Variants in UTP4 observed in about 807,000 individuals in gnomAD.
UTP4 encodes UTP4 small subunit processome component.
In UTP4, 45 loss-of-function variants were observed where a neutral mutation model predicts 82.4. The ratio of observed to expected loss-of-function variants is 0.55; its 90% CI spans 0.43 to 0.70. The LOEUF (loss-of-function observed/expected upper bound fraction) is 0.70, where lower values mean the gene tolerates loss of function less well. UTP4 is among the 30% of genes least tolerant of loss of function. The probability of loss-of-function intolerance (pLI) is 0.00; values close to 1 mark genes in which losing one functional copy is unlikely to be tolerated. For synonymous variants in UTP4, 348 were observed against 300.3 expected, an observed-to-expected ratio of 1.16 and a Z score of -1.64; for missense variants, 819 against 858.3, an observed-to-expected ratio of 0.95 and a Z score of 0.57.
At chr16:69,162,939 GA>G (rs1963601554) in intron 13 of UTP4, 143 bp from the exon 14 acceptor site, 4 of 738,946 alleles carry the variant, frequency 5.4e-6, no homozygotes, top group Non-Finnish European at 9.9e-6. Flanking sequence ...ATTGGTTGGG[GA>G]AATGCCTGAA....
rs368784646 is a variant in UTP4 at position 69,133,448 on chromosome 16, C to T, written c.-2-10C>T. 8 of 1,613,696 alleles carry T rather than the reference C, an allele frequency of 5.0e-6. No homozygotes were observed. Among genetic ancestry groups the T allele is most frequent in the African/African-American group, 1.3e-5 (1 of 74,900 alleles). On this transcript the variant is annotated splice_polypyrimidine_tract_variant and intron_variant, in intron 1 of 16. Transcript: ENST00000314423. ...CATATAGCAATAATGACTCTCTTTT[C>T]GCCCCCTAGGAATGGGTGAATTTAA...
Position 69,160,469 on chromosome 16 carries a change from A to G in UTP4, c.1551+7A>G, listed in dbSNP as rs755748563. The G allele has an allele frequency of 1.2e-6, 2 of 1,602,982 alleles. No homozygotes were observed. Among genetic ancestry groups the G allele is most frequent in the South Asian group, 1.1e-5 (1 of 90,864 alleles). ...CAACGTAAAACAGCTAAAGGTGAGC[A>G]TAGGGTTTCATGGCAGCAGTTTGAA... On this transcript the variant is annotated splice_region_variant and intron_variant, in intron 13 of 16. Transcript: ENST00000314423.
chr16:69,135,972 TGAG>T (rs1216058274), intron 2 of UTP4, among the ~76,000 whole-genome samples: 2 of 152,146 alleles, frequency 1.3e-5, no homozygotes, highest in African/African-American at 2.4e-5. Flanking sequence ...GAGGTTGCAG[TGAG>T]CTGAGATGGC....
In UTP4 at chr16:69,154,456, A is replaced by G; in HGVS notation, c.1163A>G (p.Lys388Arg). 2 of 1,607,850 alleles carry G rather than the reference A, an allele frequency of 1.2e-6. No homozygotes were observed. Among genetic ancestry groups the G allele is most frequent in the Non-Finnish European group, 1.7e-6 (2 of 1,174,436 alleles). The stretch of plus-strand genomic sequence containing the variant: ...GATCATTTACTGCACCTAAAGACAA[A>G]GGTAAGGAAGTTTGTTTAGGCTCTG... ...NADHLLHLKT[K>R]GPENIICSCI... Residue 388 changes from lysine to arginine, a missense_variant and splice_region_variant, in exon 10 of 17, where the codon AAG becomes AGG. Lys to Arg is a conservative substitution (Grantham distance 26). Transcript: ENST00000314423.
At chr16:69,150,412 T>A (rs889692502) in intron 6 of UTP4, 125 bp from the exon 7 acceptor site, 4 of 1,076,254 alleles carry the variant, frequency 3.7e-6, no homozygotes, top group African/African-American at 3.1e-5. Flanking sequence ...AAGACCCTTG[T>A]AACTTTCCTA....
intron 12 of UTP4, among the ~76,000 whole-genome samples, chr16:69,159,783 T>A (rs1963516721): frequency 6.8e-6 from 1 of 147,440 alleles, no homozygotes; most frequent in Admixed American, 6.7e-5. Flanking sequence ...AGGTCAGGAG[T>A]TCAAGACCAG....
At chr16:69,136,174 T>C (rs1370237041) in intron 2 of UTP4, among the ~76,000 whole-genome samples, 1 of 152,186 alleles carries the variant, frequency 6.6e-6, no homozygotes, top group African/African-American at 2.4e-5. Flanking sequence ...ATAGGAAAAA[T>C]TATACCTACT....
intron 4 of UTP4, among the ~76,000 whole-genome samples, chr16:69,138,223 G>T (rs1962861872): frequency 6.7e-6 from 1 of 148,646 alleles, no homozygotes; most frequent in South Asian, 2.1e-4. Flanking sequence ...AGGAACTATG[G>T]TTCTTTTCTT....
chr16:69,149,800 C>T (rs766694600), intron 6 of UTP4, among the ~76,000 whole-genome samples: 3 of 152,158 alleles, frequency 2.0e-5, no homozygotes, highest in Non-Finnish European at 2.9e-5. Context: ...GCGATCTTGG[C>T]GTACTGCAAC....
chr16:69,160,320 T>G, intron 12 of UTP4, 36 bp from the exon 13 acceptor site: 2 of 1,526,242 alleles, frequency 1.3e-6, no homozygotes, highest in Non-Finnish European at 1.8e-6. Flanking sequence ...GTGGACACTG[T>G]GTGAATTCAG....
chr16:69,138,330 C>T (rs769502596), intron 4 of UTP4, among the ~76,000 whole-genome samples: 21 of 151,930 alleles, frequency 1.4e-4, no homozygotes, highest in African/African-American at 4.3e-4. Flanking sequence ...CTCCGCCTCC[C>T]GGCTTCAAGT....
chr16:69,161,266 A>T (rs1237397583), intron 13 of UTP4, among the ~76,000 whole-genome samples: 1 of 152,246 alleles, frequency 6.6e-6, no homozygotes. Flanking sequence ...GTGATCCCTT[A>T]CAAGTCCTCA....
intron 5 of UTP4, among the ~76,000 whole-genome samples, chr16:69,140,719 T>G (rs561484239): frequency 2.6e-5 from 4 of 152,008 alleles, no homozygotes; most frequent in African/African-American, 9.6e-5. Context: ...GAGGGAGTCC[T>G]TCTATATCTC....
intron 9 of UTP4, among the ~76,000 whole-genome samples, chr16:69,153,889 A>G (rs920472964): frequency 3.3e-5 from 5 of 152,194 alleles, no homozygotes; most frequent in African/African-American, 1.2e-4. Flanking sequence ...TTAAAAGTTT[A>G]TGGCTCTAGG....
intron 12 of UTP4, among the ~76,000 whole-genome samples, chr16:69,159,753 C>T: frequency 6.6e-6 from 1 of 151,726 alleles, no homozygotes; most frequent in East Asian, 1.9e-4. Context: ...TTTGGGAGGC[C>T]AAGGTGGGCG....
rs183273814 is a variant in UTP4 at position 69,139,772 on chromosome 16, C to G, written c.437-53C>G. On this transcript the variant is annotated intron_variant, in intron 4 of 16. Coordinates refer to ENST00000314423, the MANE Select transcript of UTP4 (RefSeq NM_032830.3). Reference sequence around the variant, plus strand: ...GTTGTGGGAAGAGAGCTCAGTTACTCTTCGTATATTTATGTGTATGTCACT... The same window carrying G: ...GTTGTGGGAAGAGAGCTCAGTTACTGTTCGTATATTTATGTGTATGTCACT... The G allele has an allele frequency of 3.8e-4, 461 of 1,202,808 alleles. 1 individual carries two copies. Among genetic ancestry groups the G allele is most frequent in the Admixed American group, 4.5e-4 (27 of 59,480 alleles). 74.5% of individuals were successfully genotyped at this position (1,202,808 alleles called of 1,614,324 possible). A position where few individuals can be genotyped will look rare whatever the true frequency, so the allele number is the denominator to read the frequency against.
At chr16:69,165,268 G>C in intron 14 of UTP4, 73 bp from the exon 15 acceptor site, 1 of 1,277,572 alleles carries the variant, frequency 7.8e-7, no homozygotes, top group South Asian at 1.2e-5. Context: ...ATACTTTCTG[G>C]TTAGGGATGA....
intron 4 of UTP4, chr16:69,138,870 A>G (rs1490838511): frequency 6.6e-6 from 1 of 151,940 alleles, no homozygotes; most frequent in African/African-American, 2.4e-5. Context: ...CCCATCTTCT[A>G]GAATAGCAAA....
rs1032375158 is a variant in UTP4 at position 69,132,707 on chromosome 16, C to T, written c.-3+18C>T. 1.0e-5 allele frequency: 3 copies of T among 297,886 alleles called. No homozygotes were observed. The highest frequency in any genetic ancestry group is 4.7e-5 in the South Asian group (2 of 42,830). The allele number at this position is 297,886 out of a possible 1,614,324, so 18.5% of individuals were successfully genotyped here. A position where few individuals can be genotyped will look rare whatever the true frequency, so the allele number is the denominator to read the frequency against. On this transcript the variant is annotated intron_variant, in intron 1 of 16. Transcript: ENST00000314423. ...GGCCGCTGGTGAGTTGGGGAAGGGG[C>T]GTGGGAAGCGGCTGCGAGAGCTGGG...
Sources: gnomAD v4.1 joint callset for allele counts (sites outside exome capture counted in the v4.1 genomes callset) on GRCh38, gnomAD v4.1.1 for gene constraint, MANE v1.5 for transcripts, NCBI Gene and HGNC (gene_info 2026-07-23, HGNC 2026-07-21) for gene names.